Variants in PLOD1 observed in about 807,000 individuals in gnomAD.
PLOD1 encodes the protein procollagen-lysine,2-oxoglutarate 5-dioxygenase 1, also known as lysine hydroxylase.
PLOD1 carries 70 observed loss-of-function variants against 94.7 expected under a neutral mutation model. That is an observed-to-expected ratio of 0.74 (90% CI 0.61 to 0.90). PLOD1 has a LOEUF of 0.90. Ranked by LOEUF, PLOD1 falls within the 40% of genes least tolerant of loss-of-function variation. PLOD1 has a pLI of 0.00. For synonymous variants in PLOD1, 417 were observed against 400.2 expected (o/e 1.04, Z -0.50); for missense variants, 905 against 972.7 (o/e 0.93, Z 0.93).
In PLOD1 at chr1:11,972,980, G is replaced by C; in HGVS notation, c.2011G>C (p.Val671Leu). The change falls in exon 18 of 19, where the codon GTC becomes CTC. Residue 671 changes from valine (V) to leucine (L), a missense_variant. Physicochemically the swap from Val to Leu is conservative, Grantham distance 32 (BLOSUM62 1). Transcript: ENST00000196061. The surrounding 1 kb of genome is among the most constrained non-coding windows in gnomAD (Gnocchi z 4.6). ...CACCATCAACATCGCCCTGAACCGA[G>C]TCGGGGTGGATTACGAGGTGAGCAG... ...TFTINIALNR[V>L]GVDYEGGGCR... 1.2e-6 allele frequency: 2 copies of C among 1,614,042 alleles called. No homozygotes were observed. The highest frequency in any genetic ancestry group is 1.7e-6 in the Non-Finnish European group (2 of 1,179,988).
In PLOD1 at chr1:11,958,840, C is replaced by T. The variant is rs555642110; in HGVS notation, c.975+193C>T. ...ACTGGGTGAGTTTGAATCCCAGCGC[C>T]GCTATTTTATTGGCTGTGTGACCTT... is the stretch of plus-strand genomic sequence containing the variant. On this transcript the variant is annotated intron_variant, in intron 9 of 18. Coordinates refer to ENST00000196061, the MANE Select transcript of PLOD1 (RefSeq NM_000302.4). This position sits in a 1 kb window ranked among gnomAD's most constrained non-coding sequence, Gnocchi z 4.3. Among the ~76,000 whole-genome samples the T allele has an allele frequency of 5.3e-5, 8 of 152,218 alleles. No homozygotes were observed. Among genetic ancestry groups the T allele is most frequent in the South Asian group, 2.1e-4 (1 of 4,816 alleles).
chr1:11,972,839 C>A lies in PLOD1; in HGVS notation c.1903-33C>A. On this transcript the variant is annotated intron_variant, in intron 17 of 18. Coordinates refer to ENST00000196061, the MANE Select transcript of PLOD1 (RefSeq NM_000302.4). This position sits in a 1 kb window ranked among gnomAD's most constrained non-coding sequence, Gnocchi z 4.6. ...TGGCCTTTGTGTCCTCCTTAACTAA[C>A]ACGGGCTCTCTTGTCCCCCTGCCTT... 15 of 1,613,496 alleles carry A rather than the reference C, an allele frequency of 9.3e-6. No homozygotes were observed. Among genetic ancestry groups the A allele is most frequent in the Non-Finnish European group, 1.3e-5 (15 of 1,179,542 alleles).
At position 11,958,415 on chromosome 1, in the gene PLOD1, G is replaced by T; in HGVS notation, c.844-101G>T. On this transcript the variant is annotated intron_variant, in intron 8 of 18. Transcript: ENST00000196061. This position sits in a 1 kb window ranked among gnomAD's most constrained non-coding sequence, Gnocchi z 4.3. ...GGCACCTTTCTTGGGAAGTCTACATGCTTCTGATTCTGGCTCTGACTCCCT... is the reference window on the plus strand; with the variant it reads ...GGCACCTTTCTTGGGAAGTCTACATTCTTCTGATTCTGGCTCTGACTCCCT... The T allele has an allele frequency of 7.3e-7, 1 of 1,366,426 alleles. No homozygotes were observed. The highest frequency in any genetic ancestry group is 1.0e-6 in the Non-Finnish European group (1 of 980,252). The allele number at this position is 1,366,426 out of a possible 1,614,324, so 84.6% of individuals were successfully genotyped here.
intron 1 of PLOD1, among the ~76,000 whole-genome samples, chr1:11,940,608 C>T (rs1408887210): frequency 1.3e-5 from 2 of 152,238 alleles, no homozygotes; most frequent in Non-Finnish European, 2.9e-5. Context: ...TTAGCACCCT[C>T]TCTGTTGTAT....
chr1:11,949,960 AT>A (rs552164684), intron 3 of PLOD1, 54 bp downstream of exon 3: 1 of 1,586,910 alleles, frequency 6.3e-7, no homozygotes, highest in South Asian at 1.1e-5. Context: ...ATAGAAGAAT[AT>A]TCTAAAATGA....
At chr1:11,947,278 A>G (rs1335055528) in intron 1 of PLOD1, among the ~76,000 whole-genome samples, 1 of 151,044 alleles carries the variant, frequency 6.6e-6, no homozygotes, top group East Asian at 1.9e-4. Context: ...CAAAAAAAAC[A>G]ACCCAGCTCT....
chr1:11,963,253 C>T lies in PLOD1; in HGVS notation c.1098-279C>T, dbSNP rs1462594635. Among the ~76,000 whole-genome samples, 3 of 152,178 alleles carry T rather than the reference C, an allele frequency of 2.0e-5. No individual in the cohort carries two copies. The highest frequency in any genetic ancestry group is 7.2e-5 in the African/African-American group (3 of 41,446). On this transcript the variant is annotated intron_variant, in intron 10 of 18. Transcript: ENST00000196061. This position sits in a 1 kb window ranked among gnomAD's most constrained non-coding sequence, Gnocchi z 4.3. ...AGAAAGGCAGCCCCAGCTTACTCCC[C>T]ACCCTGGGCCATGTAGGCACCTGTG...
Position 11,964,158 on chromosome 1 carries a change from G to T in PLOD1, c.1203-17G>T, listed in dbSNP as rs1327008211. The T allele has an allele frequency of 6.2e-7, 1 of 1,613,542 alleles. No individual in the cohort carries two copies. The highest frequency in any genetic ancestry group is 8.5e-7 in the Non-Finnish European group (1 of 1,179,874). Reference sequence around the variant, plus strand: ...CAGTGGGCAGCGACCTCCTACTGAGGTGCTCCCTTCCCTCAGGAACGTCAT... The same window carrying T: ...CAGTGGGCAGCGACCTCCTACTGAGTTGCTCCCTTCCCTCAGGAACGTCAT... On this transcript the variant is annotated splice_polypyrimidine_tract_variant and intron_variant, in intron 11 of 18. Transcript: ENST00000196061.
chr1:11,967,616 A>ATATATATATATATAT lies in PLOD1; in HGVS notation c.1755+525_1755+526insTATATATATATATAT, dbSNP rs35226154. 1.9e-3 allele frequency among the ~76,000 whole-genome samples: 143 copies of ATATATATATATATAT among 75,022 alleles called. 8 individuals are homozygous for ATATATATATATATAT. The highest frequency in any genetic ancestry group is 4.5e-3 in the African/African-American group (69 of 15,330). 49.2% of individuals were successfully genotyped at this position (75,022 alleles called of 152,430 possible). A position where few individuals can be genotyped will look rare whatever the true frequency, so the allele number is the denominator to read the frequency against. On this transcript the variant is annotated intron_variant, in intron 16 of 18. Coordinates refer to ENST00000196061, the MANE Select transcript of PLOD1 (RefSeq NM_000302.4). Reference sequence around the variant, plus strand: ...GTGTGTGTATATATATATATATATAAAAAGAAATATATATAGATTTTATTT... The same window carrying ATATATATATATATAT: ...GTGTGTGTATATATATATATATATAATATATATATATATATAAAGAAATATATATAGATTTTATTT...
chr1:11,966,257 AAGG>A lies in PLOD1; in HGVS notation c.1594_1596del (p.Glu532del), dbSNP rs797044446. On this transcript the variant is annotated inframe_deletion, in exon 15 of 19. Transcript: ENST00000196061. ...TGCTTCCCACTTCCCACAGGACTGG[AAGG>A]AGAAGTACATCCACCAGAACTACAC... 2 of 1,605,834 alleles carry A rather than the reference AAGG, an allele frequency of 1.2e-6. No homozygotes were observed. Among genetic ancestry groups the A allele is most frequent in the African/African-American group, 1.3e-5 (1 of 74,604 alleles).
intron 1 of PLOD1, among the ~76,000 whole-genome samples, chr1:11,943,759 G>T (rs1387640825): frequency 6.6e-6 from 1 of 152,146 alleles, no homozygotes; most frequent in African/African-American, 2.4e-5. Flanking sequence ...TCAACAGATG[G>T]CCTGGCCACC....
chr1:11,963,362 A>G lies in PLOD1; in HGVS notation c.1098-170A>G, dbSNP rs1217609899. 1.3e-5 allele frequency among the ~76,000 whole-genome samples: 2 copies of G among 152,216 alleles called. No homozygotes were observed. Among genetic ancestry groups the G allele is most frequent in the Non-Finnish European group, 2.9e-5 (2 of 68,034 alleles). On this transcript the variant is annotated intron_variant, in intron 10 of 18. Coordinates refer to ENST00000196061, the MANE Select transcript of PLOD1 (RefSeq NM_000302.4). This position sits in a 1 kb window ranked among gnomAD's most constrained non-coding sequence, Gnocchi z 4.3. Reference sequence around the variant, plus strand: ...TGGGCCTTGGGTGAGAGAGCCCAGCAGTCCAGGGGTTTGGGACTCAGAGTC... The same window carrying G: ...TGGGCCTTGGGTGAGAGAGCCCAGCGGTCCAGGGGTTTGGGACTCAGAGTC...
chr1:11,960,935 G>A (rs1212564631), intron 10 of PLOD1, among the ~76,000 whole-genome samples, 168 bp downstream of exon 10: 1 of 152,076 alleles, frequency 6.6e-6, no homozygotes, highest in Non-Finnish European at 1.5e-5. Flanking sequence ...AGGGGAAATA[G>A]CCTCTGTCCT....
chr1:11,952,782 G>T (rs773526523), intron 5 of PLOD1, 47 bp downstream of exon 5: 3 of 1,357,022 alleles, frequency 2.2e-6, no homozygotes, highest in East Asian at 2.3e-5. Flanking sequence ...GGGATCCACC[G>T]GCCAGGCTGC....
Position 11,964,304 on chromosome 1 carries a change from A to G in PLOD1, c.1328+4A>G. ...ACATTGTGCAGGGGCGGCGTGTGTGAGTACCTGCAGGGTGGGGGTGGGTGG... is the reference window on the plus strand; with the variant it reads ...ACATTGTGCAGGGGCGGCGTGTGTGGGTACCTGCAGGGTGGGGGTGGGTGG... On this transcript the variant is annotated splice_donor_region_variant and intron_variant, in intron 12 of 18. Transcript: ENST00000196061. 1.8e-6 allele frequency: 1 copy of G among 569,620 alleles called. No individual in the cohort carries two copies. The highest frequency in any genetic ancestry group is 3.2e-6 in the Non-Finnish European group (1 of 313,562). The allele number at this position is 569,620 out of a possible 1,614,324, so 35.3% of individuals were successfully genotyped here.
chr1:11,963,444 TG>T lies in PLOD1; in HGVS notation c.1098-86del. ...TCTCTAAAGCCCCTTGGCTGATATG[TG>T]GTGAAGCCAGACTGTGGTCACAGAT... On this transcript the variant is annotated intron_variant, in intron 10 of 18. Coordinates refer to ENST00000196061, the MANE Select transcript of PLOD1 (RefSeq NM_000302.4). The surrounding 1 kb of genome is among the most constrained non-coding windows in gnomAD (Gnocchi z 4.3). 2 of 847,344 alleles carry T rather than the reference TG, an allele frequency of 2.4e-6. No homozygotes were observed. Among genetic ancestry groups the T allele is most frequent in the South Asian group, 1.4e-5 (1 of 70,036 alleles). 52.5% of individuals were successfully genotyped at this position (847,344 alleles called of 1,614,324 possible).
At chr1:11,944,201 C>T (rs184629814) in intron 1 of PLOD1, among the ~76,000 whole-genome samples, 41 of 152,030 alleles carry the variant, frequency 2.7e-4, no homozygotes, top group African/African-American at 8.2e-4. Context: ...CCACTGCACT[C>T]CAGCCTGGGT....
intron 10 of PLOD1, among the ~76,000 whole-genome samples, chr1:11,962,274 C>CTTTTTTTTTTTT (rs780613164): frequency 4.0e-5 from 4 of 99,086 alleles, no homozygotes; most frequent in Admixed American, 1.2e-4. Flanking sequence ...TTTTTGTTTT[C>CTTTTTTTTTTTT]TTTTTTTTTT....
intron 4 of PLOD1, among the ~76,000 whole-genome samples, chr1:11,950,912 G>A (rs1049598242): frequency 6.6e-5 from 10 of 152,168 alleles, no homozygotes; most frequent in Non-Finnish European, 1.0e-4. Flanking sequence ...TCCTGCCTCA[G>A]CCATCCAAGT....
Sources: allele counts gnomAD v4.1 joint callset (sites outside exome capture counted in the v4.1 genomes callset), GRCh38; gene constraint gnomAD v4.1.1; non-coding constraint Gnocchi (gnomAD v3.1); transcripts MANE v1.5; gene names NCBI Gene and HGNC (gene_info 2026-07-23, HGNC 2026-07-21).